Variants in DLGAP4 observed in about 807,000 individuals in gnomAD.
DLGAP4 encodes disks large-associated protein 4.
In DLGAP4, 18 loss-of-function variants were observed where a neutral mutation model predicts 86.9. The observed-to-expected ratio is 0.21, with a 90% CI of 0.14 to 0.31. The LOEUF is 0.31. DLGAP4 is among the 10% of genes least tolerant of loss of function. DLGAP4 has a pLI of 1.00. For missense variants in DLGAP4, 1,085 were observed against 1,362.6 expected (o/e 0.80, Z 3.21); for synonymous variants, 548 against 574.3 (o/e 0.95, Z 0.65).
chr20:36,470,022 A>G (rs1214523606), intron 7 of DLGAP4, among the ~76,000 whole-genome samples: 1 of 152,090 alleles, frequency 6.6e-6, no homozygotes, highest in African/African-American at 2.4e-5. Context: ...GAAATAAAGT[A>G]AGGTCCTAGG....
chr20:36,513,441 G>A (rs982751796), intron 10 of DLGAP4, among the ~76,000 whole-genome samples: 20 of 150,384 alleles, frequency 1.3e-4, no homozygotes, highest in South Asian at 2.1e-4. Flanking sequence ...CCAGCTACTC[G>A]GGAGGCTGAG....
At chr20:36,351,348 C>T (rs1003116132) in intron 1 of DLGAP4, among the ~76,000 whole-genome samples, 1 of 152,126 alleles carries the variant, frequency 6.6e-6, no homozygotes, top group African/African-American at 2.4e-5. Context: ...GAGTGGCGGG[C>T]CTGTTAGATC....
intron 7 of DLGAP4, among the ~76,000 whole-genome samples, chr20:36,459,634 T>G (rs1328295395): frequency 2.6e-5 from 4 of 151,856 alleles, no homozygotes; most frequent in Non-Finnish European, 5.9e-5. Context: ...TGAAACGGAG[T>G]TTCGCTCTTG....
chr20:36,327,086 G>A (rs762795728), intron 1 of DLGAP4, among the ~76,000 whole-genome samples: 28 of 140,260 alleles, frequency 2.0e-4, no homozygotes, highest in Non-Finnish European at 2.6e-4. Context: ...TGCAGCCTCC[G>A]CTACCCAGGT....
intron 7 of DLGAP4, chr20:36,462,294 T>G (rs2034121537): frequency 1.5e-6 from 2 of 1,328,402 alleles, no homozygotes; most frequent in Non-Finnish European, 1.9e-6. Flanking sequence ...TTGTTCTCTC[T>G]CAGGTCTCCG....
At chr20:36,424,843 C>A (rs1185174595) in intron 2 of DLGAP4, among the ~76,000 whole-genome samples, 1 of 151,022 alleles carries the variant, frequency 6.6e-6, no homozygotes, top group Non-Finnish European at 1.5e-5. Context: ...TGAAGTGATT[C>A]TCCTGCCTCT....
intron 10 of DLGAP4, among the ~76,000 whole-genome samples, chr20:36,518,496 T>TA (rs1301294364): frequency 3.3e-5 from 5 of 152,196 alleles, no homozygotes; most frequent in African/African-American, 1.2e-4. Flanking sequence ...GCCTGTCCTT[T>TA]TATATAAGCT....
intron 8 of DLGAP4, chr20:36,498,355 C>T (rs1232352239): frequency 6.6e-6 from 1 of 152,292 alleles, no homozygotes; most frequent in East Asian, 1.9e-4. Flanking sequence ...AGAGAGTAGC[C>T]TGATCTTCAA....
At chr20:36,398,558 T>A (rs1336016266) in intron 2 of DLGAP4, among the ~76,000 whole-genome samples, 2 of 152,210 alleles carry the variant, frequency 1.3e-5, no homozygotes, top group African/African-American at 4.8e-5. Flanking sequence ...GCAGGAGCTG[T>A]GGAAGCAATA....
intron 7 of DLGAP4, among the ~76,000 whole-genome samples, chr20:36,485,718 C>T (rs1204037417): frequency 6.6e-6 from 1 of 152,174 alleles, no homozygotes; most frequent in Non-Finnish European, 1.5e-5. Flanking sequence ...GTGATAATTA[C>T]CACTCCTCCC....
intron 10 of DLGAP4, among the ~76,000 whole-genome samples, chr20:36,508,600 G>A (rs540106258): frequency 6.6e-6 from 1 of 152,046 alleles, no homozygotes; most frequent in South Asian, 2.1e-4. Context: ...CTAATTTTTT[G>A]TATTTTTAGT....
chr20:36,498,968 A>G, intron 8 of DLGAP4: 1 of 430,298 alleles, frequency 2.3e-6, no homozygotes, highest in South Asian at 2.5e-5. Context: ...TGCTAAAGGT[A>G]ACCTCAGCCA....
intron 1 of DLGAP4, among the ~76,000 whole-genome samples, chr20:36,326,353 A>G (rs2147351715): frequency 6.6e-6 from 1 of 152,178 alleles, no homozygotes; most frequent in African/African-American, 2.4e-5. Context: ...ATTCCACTGT[A>G]TCTCTTGTTA....
chr20:36,413,198 G>A (rs942512395), intron 2 of DLGAP4, among the ~76,000 whole-genome samples: 1 of 151,536 alleles, frequency 6.6e-6, no homozygotes, highest in African/African-American at 2.4e-5. Flanking sequence ...GGATGGTCTC[G>A]AACTCCCCAC....
At chr20:36,325,811 G>A (rs925692525) in intron 1 of DLGAP4, among the ~76,000 whole-genome samples, 4 of 151,268 alleles carry the variant, frequency 2.6e-5, no homozygotes, top group African/African-American at 4.9e-5. Flanking sequence ...TCTACCTCCC[G>A]GGTTCAAGCG....
rs560599814 is a variant in DLGAP4 at position 36,385,714 on chromosome 20, G to A, written c.-73+18439G>A. On this transcript the variant is annotated intron_variant, in intron 2 of 12. Transcript: ENST00000339266. ...GGCTCCAAGCTGCATACGCCTCATG[G>A]GGCTGCTGTCATGCCTAATTAGGCT... is the stretch of plus-strand genomic sequence containing the variant. Among the ~76,000 whole-genome samples, 66 of 152,310 alleles carry A rather than the reference G, an allele frequency of 4.3e-4. No individual in the cohort carries two copies. The Middle Eastern group carries it at 0.017, about 39-fold the overall frequency.
intron 1 of DLGAP4, among the ~76,000 whole-genome samples, chr20:36,335,223 G>A (rs782410559): frequency 3.3e-5 from 5 of 152,150 alleles, no homozygotes; most frequent in Non-Finnish European, 7.4e-5. Flanking sequence ...CCACCGCCAG[G>A]CCTCAGTTCT....
intron 2 of DLGAP4, among the ~76,000 whole-genome samples, chr20:36,369,748 A>G (rs1357236811): frequency 1.3e-5 from 2 of 152,144 alleles, no homozygotes; most frequent in Non-Finnish European, 2.9e-5. Flanking sequence ...TGCAGTAAAC[A>G]TTTTTGTTTT....
chr20:36,336,371 C>T (rs2065322408), intron 1 of DLGAP4, among the ~76,000 whole-genome samples: 1 of 152,176 alleles, frequency 6.6e-6, no homozygotes, highest in South Asian at 2.1e-4. Flanking sequence ...ACTCTGCCCC[C>T]AGACACCTGC....
Sources: allele counts gnomAD v4.1 joint callset (sites outside exome capture counted in the v4.1 genomes callset), GRCh38; gene constraint gnomAD v4.1.1; transcripts MANE v1.5; gene names NCBI Gene and HGNC (gene_info 2026-07-23, HGNC 2026-07-21).